GALNT18: variants seen among roughly 807,000 people sequenced by gnomAD.
GALNT18 encodes GalNAc-transferase 18.
In GALNT18, 44 loss-of-function variants were observed where a neutral mutation model predicts 69.5. That is an observed-to-expected ratio of 0.63 (90% CI 0.50 to 0.81). The LOEUF is 0.81. GALNT18 is among the 40% of genes least tolerant of loss of function. The probability of loss-of-function intolerance (pLI) is 0.00; values close to 1 mark genes in which losing one functional copy is unlikely to be tolerated. For missense variants in GALNT18, 715 were observed against 810.0 expected (o/e 0.88, Z 1.42); for synonymous variants, 364 against 318.2 (o/e 1.14, Z -1.53).
intron 1 of GALNT18, among the ~76,000 whole-genome samples, chr11:11,474,624 T>G (rs1004003422): frequency 6.6e-6 from 1 of 152,216 alleles, no homozygotes; most frequent in African/African-American, 2.4e-5. Context: ...GTATTTAAAG[T>G]ATATTTTGGA....
chr11:11,527,793 T>C (rs183161573), intron 1 of GALNT18, among the ~76,000 whole-genome samples: 1 of 152,312 alleles, frequency 6.6e-6, no homozygotes, highest in East Asian at 1.9e-4. Context: ...CATTGCCTGA[T>C]GGACATCAAT....
intron 9 of GALNT18, among the ~76,000 whole-genome samples, chr11:11,297,539 G>A (rs962579118): frequency 9.2e-5 from 14 of 152,156 alleles, no homozygotes; most frequent in Non-Finnish European, 5.9e-5. Context: ...CAGCCTCCAG[G>A]CTGGGAGGGG....
chr11:11,306,263 G>A (rs1366332915), intron 9 of GALNT18, among the ~76,000 whole-genome samples: 3 of 152,144 alleles, frequency 2.0e-5, no homozygotes, highest in African/African-American at 4.8e-5. Flanking sequence ...GCATGTGCAC[G>A]AGTATGCACA....
At chr11:11,355,670 TC>T (rs1201776776) in intron 6 of GALNT18, among the ~76,000 whole-genome samples, 19 of 152,238 alleles carry the variant, frequency 1.2e-4, no homozygotes, top group Non-Finnish European at 1.8e-4. Context: ...GTCTTACTAA[TC>T]TTTTCCCTCC....
At position 11,543,355 on chromosome 11, in the gene GALNT18, C is replaced by T. The variant is rs937094139; in HGVS notation, c.235+78004G>A. ...CTCATGGCAGGAATCCTTAGTAGGC[C>T]ACCTCAGCTGGAGTGACAGGGACGT... On this transcript the variant is annotated intron_variant, in intron 1 of 10. Coordinates refer to ENST00000227756, the MANE Select transcript of GALNT18 (RefSeq NM_198516.3). This position sits in a 1 kb window ranked among gnomAD's most constrained non-coding sequence, Gnocchi z 5.1. 1.3e-5 allele frequency among the ~76,000 whole-genome samples: 2 copies of T among 152,184 alleles called. No individual in the cohort carries two copies.
intron 9 of GALNT18, among the ~76,000 whole-genome samples, chr11:11,293,748 G>A (rs1032647473): frequency 2.0e-5 from 3 of 151,924 alleles, no homozygotes; most frequent in Non-Finnish European, 2.9e-5. Context: ...CACCATGTTG[G>A]TCAGGCTGGT....
At chr11:11,525,695 C>T (rs1857505053) in intron 1 of GALNT18, among the ~76,000 whole-genome samples, 1 of 139,438 alleles carries the variant, frequency 7.2e-6, no homozygotes, top group Non-Finnish European at 1.5e-5. Context: ...AGTTCAATGA[C>T]ACTATCTCAG....
intron 1 of GALNT18, among the ~76,000 whole-genome samples, chr11:11,615,961 A>G (rs558811866): frequency 6.6e-5 from 10 of 152,350 alleles, no homozygotes; most frequent in Non-Finnish European, 1.0e-4. Flanking sequence ...TGTAAAATAC[A>G]CAAATCACAA....
At chr11:11,352,712 G>T (rs771866479) in intron 6 of GALNT18, 22 of 1,613,980 alleles carry the variant, frequency 1.4e-5, no homozygotes, top group Non-Finnish European at 1.8e-5. Flanking sequence ...TCTCATACAT[G>T]TAAAATCGAA....
chr11:11,425,665 G>A (rs1021229296), intron 3 of GALNT18, among the ~76,000 whole-genome samples: 5 of 152,180 alleles, frequency 3.3e-5, no homozygotes, highest in Non-Finnish European at 7.4e-5. Flanking sequence ...GGGATGGGGC[G>A]AGGGAACAGC....
intron 3 of GALNT18, among the ~76,000 whole-genome samples, chr11:11,403,965 T>A (rs1295662425): frequency 2.0e-5 from 3 of 152,202 alleles, no homozygotes; most frequent in Non-Finnish European, 4.4e-5. Flanking sequence ...GGTCGGAGGA[T>A]CCCTGTCCTC....
intron 1 of GALNT18, among the ~76,000 whole-genome samples, chr11:11,557,864 G>A (rs542497223): frequency 2.0e-5 from 3 of 152,282 alleles, no homozygotes; most frequent in Non-Finnish European, 2.9e-5. Context: ...CAGCTGGTCC[G>A]TGTACATCCA....
At position 11,427,424 on chromosome 11, in the gene GALNT18, G is replaced by A. The variant is rs79347454; in HGVS notation, c.595+5197C>T. 1.6e-3 allele frequency among the ~76,000 whole-genome samples: 250 copies of A among 152,300 alleles called. 4 individuals carry two copies. In the East Asian group the frequency reaches 0.033, roughly 20 times the overall value. On this transcript the variant is annotated intron_variant, in intron 3 of 10. Coordinates refer to ENST00000227756, the MANE Select transcript of GALNT18 (RefSeq NM_198516.3). ...AAGAGAGCTTGGGGAGACACGAGGC[G>A]CCAGCATGCACGGAACCAGTAATAG...
chr11:11,428,236 C>T (rs1855179661), intron 3 of GALNT18, among the ~76,000 whole-genome samples: 1 of 152,232 alleles, frequency 6.6e-6, no homozygotes, highest in Non-Finnish European at 1.5e-5. Context: ...GGCTGAGATC[C>T]GAAGGGCCTT....
intron 2 of GALNT18, among the ~76,000 whole-genome samples, 185 bp downstream of exon 2, chr11:11,448,559 G>T (rs1855712895): frequency 6.6e-6 from 1 of 152,236 alleles, no homozygotes; most frequent in South Asian, 2.1e-4. Context: ...TCAGCTAATG[G>T]AGAAACTGAG....
Position 11,413,141 on chromosome 11 carries a change from G to T in GALNT18, c.595+19480C>A, listed in dbSNP as rs1854768651. Among the ~76,000 whole-genome samples, 1 of 152,192 alleles carries T rather than the reference G, an allele frequency of 6.6e-6. No individual in the cohort carries two copies. The highest frequency in any genetic ancestry group is 6.5e-5 in the Admixed American group (1 of 15,284). On this transcript the variant is annotated intron_variant, in intron 3 of 10. Coordinates refer to ENST00000227756, the MANE Select transcript of GALNT18 (RefSeq NM_198516.3). The surrounding 1 kb of genome is among the most constrained non-coding windows in gnomAD (Gnocchi z 4.7). ...CTTGAACTTCCTGAATAAACTGCAT[G>T]CAGTTGAATCTGTGTCTCAGAGTCT...
intron 7 of GALNT18, among the ~76,000 whole-genome samples, chr11:11,333,604 C>G (rs1850056981): frequency 6.6e-6 from 1 of 152,128 alleles, no homozygotes; most frequent in Non-Finnish European, 1.5e-5. Flanking sequence ...CCTCCTCGGA[C>G]CAAGTCCTTG....
At chr11:11,308,555 C>A (rs1278837984) in intron 9 of GALNT18, among the ~76,000 whole-genome samples, 1 of 152,080 alleles carries the variant, frequency 6.6e-6, no homozygotes, top group Non-Finnish European at 1.5e-5. Context: ...TCCCACCAAA[C>A]AAGGCTCTTC....
intron 1 of GALNT18, among the ~76,000 whole-genome samples, chr11:11,485,350 C>A (rs1564973384): frequency 6.6e-6 from 1 of 152,260 alleles, no homozygotes; most frequent in South Asian, 2.1e-4. Context: ...TTCCTATGAC[C>A]CCCTCCTCGG....
Sources: allele counts gnomAD v4.1 joint callset (sites outside exome capture counted in the v4.1 genomes callset), GRCh38; gene constraint gnomAD v4.1.1; non-coding constraint Gnocchi (gnomAD v3.1); transcripts MANE v1.5; gene names NCBI Gene and HGNC (gene_info 2026-07-23, HGNC 2026-07-21).